Variants in MIPOL1 observed in about 807,000 individuals in gnomAD.
MIPOL1 encodes the protein mirror-image polydactyly 1, also known as mirror-image polydactyly gene 1 protein.
Under a neutral mutation model 60.9 loss-of-function variants are expected in MIPOL1, and 57 were observed. The ratio of observed to expected loss-of-function variants is 0.94; its 90% CI spans 0.76 to 1.17. MIPOL1 has a LOEUF of 1.17. Among genes scored for constraint, MIPOL1 ranks in the 50% most tolerant of loss-of-function variants. The probability of loss-of-function intolerance (pLI) is 0.00; values close to 1 mark genes in which losing one functional copy is unlikely to be tolerated. For synonymous variants in MIPOL1, 179 were observed against 168.8 expected (o/e 1.06, Z -0.47); for missense variants, 551 against 511.6 (o/e 1.08, Z -0.74).
chr14:37,309,919 C>T (rs968909072), intron 9 of MIPOL1, among the ~76,000 whole-genome samples: 3 of 151,972 alleles, frequency 2.0e-5, no homozygotes, highest in Non-Finnish European at 4.4e-5. Flanking sequence ...GAACTGCTGA[C>T]CTCAAGTGAT....
At chr14:37,537,265 A>G (rs1395702043) in intron 12 of MIPOL1, among the ~76,000 whole-genome samples, 1 of 152,174 alleles carries the variant, frequency 6.6e-6, no homozygotes, top group Non-Finnish European at 1.5e-5. Context: ...TAAGTATGAT[A>G]TCCATGTAAA....
At chr14:37,394,084 A>ATATATC (rs1491106712) in intron 10 of MIPOL1, among the ~76,000 whole-genome samples, 15 of 134,664 alleles carry the variant, frequency 1.1e-4, no homozygotes, top group Admixed American at 2.2e-4. Context: ...ATATATATAT[A>ATATATC]TCTCCATGTT....
chr14:37,479,211 A>G (rs762607264), intron 11 of MIPOL1, among the ~76,000 whole-genome samples: 18 of 152,164 alleles, frequency 1.2e-4, no homozygotes, highest in Non-Finnish European at 1.9e-4. Flanking sequence ...AGAGAAATAC[A>G]CAGAACATTC....
At chr14:37,471,673 A>G (rs546935371) in intron 11 of MIPOL1, among the ~76,000 whole-genome samples, 1 of 152,010 alleles carries the variant, frequency 6.6e-6, no homozygotes, top group Middle Eastern at 3.4e-3. Flanking sequence ...TCTGATCCCA[A>G]CCACTTTTTT....
intron 12 of MIPOL1, among the ~76,000 whole-genome samples, chr14:37,538,495 A>C (rs1207641000): frequency 6.6e-6 from 1 of 152,202 alleles, no homozygotes; most frequent in African/African-American, 2.4e-5. Context: ...ATGCCAAAAG[A>C]TATGAATTGC....
intron 3 of MIPOL1, among the ~76,000 whole-genome samples, chr14:37,251,879 T>C (rs1974168121): frequency 6.6e-6 from 1 of 151,954 alleles, no homozygotes. Flanking sequence ...ACTTGCAATT[T>C]TGTAGGTAAA....
At chr14:37,473,950 A>G (rs1007560222) in intron 11 of MIPOL1, among the ~76,000 whole-genome samples, 9 of 152,138 alleles carry the variant, frequency 5.9e-5, no homozygotes, top group Non-Finnish European at 1.3e-4. Context: ...AATCCCTAGC[A>G]ACTACTGATC....
At chr14:37,518,617 G>T (rs993505633) in intron 12 of MIPOL1, among the ~76,000 whole-genome samples, 1 of 152,168 alleles carries the variant, frequency 6.6e-6, no homozygotes, top group African/African-American at 2.4e-5. Flanking sequence ...TTATAGGCAT[G>T]AGCCACCGCA....
intron 11 of MIPOL1, among the ~76,000 whole-genome samples, chr14:37,496,463 C>CA (rs2095130555): frequency 6.8e-6 from 1 of 146,950 alleles, no homozygotes; most frequent in African/African-American, 2.5e-5. Context: ...TCTCAGGATA[C>CA]AAAATCAATG....
intron 12 of MIPOL1, among the ~76,000 whole-genome samples, chr14:37,535,935 C>T (rs2095504444): frequency 6.6e-6 from 1 of 151,868 alleles, no homozygotes. Context: ...GGATCTTGCT[C>T]TGTTACCCAG....
chr14:37,278,394 T>C (rs1234527600), intron 6 of MIPOL1: 3 of 151,718 alleles, frequency 2.0e-5, no homozygotes, highest in African/African-American at 7.2e-5. Context: ...TTGCAAGAAA[T>C]GAATTTAACA....
At chr14:37,257,133 T>TGAG (rs1594768334) in intron 3 of MIPOL1, among the ~76,000 whole-genome samples, 1 of 70,986 alleles carries the variant, frequency 1.4e-5, no homozygotes, top group African/African-American at 4.6e-5. Flanking sequence ...GTGTGTGTGT[T>TGAG]TGAGAAACAA....
intron 1 of MIPOL1, among the ~76,000 whole-genome samples, chr14:37,235,869 T>C (rs2153329414): frequency 6.6e-6 from 1 of 152,198 alleles, no homozygotes; most frequent in Middle Eastern, 3.4e-3. Context: ...TTTACGTTCC[T>C]ACCAGCAATA....
At chr14:37,475,734 A>G (rs557128904) in intron 11 of MIPOL1, among the ~76,000 whole-genome samples, 10 of 152,204 alleles carry the variant, frequency 6.6e-5, no homozygotes, top group African/African-American at 2.2e-4. Context: ...ATCAGTTGAC[A>G]GTATTTGTGT....
intron 11 of MIPOL1, among the ~76,000 whole-genome samples, chr14:37,480,712 T>A (rs1223997086): frequency 6.6e-6 from 1 of 151,964 alleles, no homozygotes; most frequent in African/African-American, 2.4e-5. Context: ...GCCAGAGCAA[T>A]TAGGCAAGAG....
At chr14:37,552,202 A>G (rs996042180), downstream of MIPOL1, 1 of 152,110 alleles carries the variant, frequency 6.6e-6, no homozygotes, top group South Asian at 2.1e-4. Context: ...CTATCACATT[A>G]CTTTGTTAAA....
intron 9 of MIPOL1, among the ~76,000 whole-genome samples, chr14:37,327,907 T>G (rs2089318944): frequency 6.6e-6 from 1 of 152,142 alleles, no homozygotes; most frequent in Non-Finnish European, 1.5e-5. Flanking sequence ...CTCGTGGACA[T>G]TGTTTGAAGG....
intron 1 of MIPOL1, among the ~76,000 whole-genome samples, chr14:37,216,189 A>C (rs764375309): frequency 1.2e-4 from 18 of 152,188 alleles, no homozygotes; most frequent in Non-Finnish European, 1.9e-4. Context: ...AAAAGAGACA[A>C]TGTCACTATA....
intron 1 of MIPOL1, among the ~76,000 whole-genome samples, chr14:37,235,249 T>G (rs1320534116): frequency 6.6e-6 from 1 of 152,218 alleles, no homozygotes; most frequent in Non-Finnish European, 1.5e-5. Flanking sequence ...AAATCCAGAT[T>G]TGTAAAGATA....
Sources: gnomAD v4.1 joint callset for allele counts (sites outside exome capture counted in the v4.1 genomes callset) on GRCh38, gnomAD v4.1.1 for gene constraint, MANE v1.5 for transcripts, NCBI Gene and HGNC (gene_info 2026-07-23, HGNC 2026-07-21) for gene names.